The following SGIP1 variants were observed in gnomAD, a reference collection of about 807,000 sequenced individuals.
SGIP1 encodes SH3-containing GRB2-like protein 3-interacting protein 1.
In SGIP1, 38 loss-of-function variants were observed where a neutral mutation model predicts 107.5. The ratio of observed to expected loss-of-function variants is 0.35; its 90% CI spans 0.27 to 0.46. The LOEUF is 0.46. Among genes scored for constraint, SGIP1 ranks in the 20% least tolerant of loss-of-function variants. The probability of loss-of-function intolerance (pLI) is 1.00; values close to 1 mark genes in which losing one functional copy is unlikely to be tolerated. For missense variants in SGIP1, 929 were observed against 1,019.5 expected, an observed-to-expected ratio of 0.91 and a Z score of 1.21; for synonymous variants, 365 against 366.1, an observed-to-expected ratio of 1.00 and a Z score of 0.03.
chr1:66,552,355 C>T (rs2057543678), intron 1 of SGIP1, among the ~76,000 whole-genome samples: 1 of 152,168 alleles, frequency 6.6e-6, no homozygotes. Flanking sequence ...CTATGCTACC[C>T]TTGATGCTTC....
At chr1:66,628,486 T>G (rs2073473598) in intron 2 of SGIP1, 1 of 154,830 alleles carries the variant, frequency 6.5e-6, no homozygotes, top group South Asian at 2.0e-4. Context: ...GAAGGCATTA[T>G]AGGACTCATA....
chr1:66,544,555 G>A (rs1448374611), intron 1 of SGIP1, among the ~76,000 whole-genome samples: 3 of 152,130 alleles, frequency 2.0e-5, no homozygotes, highest in Non-Finnish European at 4.4e-5. Context: ...TGGGCATGGT[G>A]GTGCGCACCT....
At chr1:66,581,820 A>G (rs912305371) in intron 1 of SGIP1, among the ~76,000 whole-genome samples, 2 of 152,126 alleles carry the variant, frequency 1.3e-5, no homozygotes, top group African/African-American at 4.8e-5. Context: ...CCACTAAAAA[A>G]GAAGACTGGA....
intron 2 of SGIP1, among the ~76,000 whole-genome samples, chr1:66,630,660 G>T (rs2074075171): frequency 6.6e-6 from 1 of 150,582 alleles, no homozygotes; most frequent in Non-Finnish European, 1.5e-5. Flanking sequence ...TACAAAATTA[G>T]CTGGGCGTGG....
rs74087520 is a variant in SGIP1, at chr1:66,647,241, C to A, written c.459+3522C>A. 7.3e-3 allele frequency among the ~76,000 whole-genome samples: 1,106 copies of A among 152,240 alleles called. 9 individuals carry two copies. The highest frequency in any genetic ancestry group is 0.024 in the African/African-American group (1,003 of 41,536). On this transcript the variant is annotated intron_variant, in intron 7 of 24. Coordinates refer to ENST00000371037, the MANE Select transcript of SGIP1 (RefSeq NM_032291.4). ...CTCGTTTCCTAGAGTAGCACTGCTG[C>A]CTTACCACTGCAAGTACTTCCATGC... is the stretch of plus-strand genomic sequence containing the variant.
intron 7 of SGIP1, among the ~76,000 whole-genome samples, chr1:66,647,456 A>G (rs919578891): frequency 2.6e-5 from 4 of 152,200 alleles, no homozygotes; most frequent in Non-Finnish European, 4.4e-5. Flanking sequence ...GCCAGCTAAC[A>G]TTCGGGGTTT....
chr1:66,616,333 G>T (rs931929257), intron 1 of SGIP1, among the ~76,000 whole-genome samples: 9 of 152,086 alleles, frequency 5.9e-5, no homozygotes, highest in Non-Finnish European at 8.8e-5. Context: ...GTGTCATTTA[G>T]TGTCTTTTAT....
At chr1:66,560,948 TGTAA>T (rs1265715588) in intron 1 of SGIP1, among the ~76,000 whole-genome samples, 2 of 152,096 alleles carry the variant, frequency 1.3e-5, no homozygotes, top group Non-Finnish European at 2.9e-5. Context: ...GTAAGCCCGT[TGTAA>T]GTGTTAACAC....
rs141620264 is a variant in SGIP1 at position 66,661,429 on chromosome 1, G to A, written c.471+905G>A. On this transcript the variant is annotated intron_variant, in intron 8 of 24. Transcript: ENST00000371037. The stretch of plus-strand genomic sequence containing the variant: ...GCCACTGCACCACATACAGGATACT[G>A]TGCTTACAGAAAAGCTATAGGATAG... Among the ~76,000 whole-genome samples the A allele has an allele frequency of 3.7e-3, 568 of 152,284 alleles. 5 individuals are homozygous for A. Among genetic ancestry groups the A allele is most frequent in the African/African-American group, 0.013 (522 of 41,552 alleles).
chr1:66,729,138 A>G (rs1327613298), intron 19 of SGIP1, 126 bp from the exon 20 acceptor site: 1 of 1,096,004 alleles, frequency 9.1e-7, no homozygotes, highest in Non-Finnish European at 1.3e-6. Flanking sequence ...ATGGAATTGT[A>G]AGAGCCTGCC....
In SGIP1 at chr1:66,733,902, G is replaced by A. The variant is rs370781559; in HGVS notation, c.2031+22G>A. On this transcript the variant is annotated intron_variant, in intron 21 of 24. Transcript: ENST00000371037. ...TCAGGTAAGCCTATTTACATGATCG[G>A]TATCTCTTCCACATGACATATTTGT... 208 of 1,604,244 alleles carry A rather than the reference G, an allele frequency of 1.3e-4. No homozygotes were observed. In the African/African-American group the frequency reaches 2.5e-3, roughly 19 times the overall value.
chr1:66,631,067 GAA>G (rs1362023874), intron 2 of SGIP1, among the ~76,000 whole-genome samples: 2 of 137,210 alleles, frequency 1.5e-5, no homozygotes, highest in African/African-American at 5.1e-5. Context: ...AAGAAAGAAA[GAA>G]AGAAAGAAAG....
intron 1 of SGIP1, among the ~76,000 whole-genome samples, chr1:66,576,446 C>A (rs1354817323): frequency 6.6e-6 from 1 of 152,156 alleles, no homozygotes; most frequent in Non-Finnish European, 1.5e-5. Flanking sequence ...AGTCATTTAC[C>A]TTTGTAAGCC....
intron 21 of SGIP1, among the ~76,000 whole-genome samples, chr1:66,738,766 TCTAA>T (rs1228115530): frequency 6.6e-6 from 1 of 152,204 alleles, no homozygotes; most frequent in Non-Finnish European, 1.5e-5. Flanking sequence ...CCTACCCTAG[TCTAA>T]CTCACTGGTT....
At chr1:66,538,792 T>C (rs1168080453) in intron 1 of SGIP1, among the ~76,000 whole-genome samples, 1 of 152,200 alleles carries the variant, frequency 6.6e-6, no homozygotes, top group Non-Finnish European at 1.5e-5. Flanking sequence ...ATGGTTCCCA[T>C]AGTAATCAAA....
intron 1 of SGIP1, among the ~76,000 whole-genome samples, chr1:66,567,918 A>G (rs1557911603): frequency 1.3e-5 from 2 of 152,102 alleles, no homozygotes; most frequent in Admixed American, 1.3e-4. Flanking sequence ...CTTGTAGTAT[A>G]GTTTGAAGTC....
rs141370211 is a variant in SGIP1 at position 66,675,537 on chromosome 1, C to CTTTTTTTTTTTTTTTTTTT, written c.647-1464_647-1463insTTTTTTTTTTTTTTTTTTT. 1.3e-3 allele frequency among the ~76,000 whole-genome samples: 142 copies of CTTTTTTTTTTTTTTTTTTT among 109,190 alleles called. 24 individuals are homozygous for CTTTTTTTTTTTTTTTTTTT. The highest frequency in any genetic ancestry group is 4.0e-3 in the African/African-American group (98 of 24,242). 71.6% of individuals were successfully genotyped at this position (109,190 alleles called of 152,430 possible). The stretch of plus-strand genomic sequence containing the variant: ...TTTCGTTGTTTTTCTTTTTCTTTTT[C>CTTTTTTTTTTTTTTTTTTT]TTTCTTTTTTTTTTTTTTTTTTGAC... On this transcript the variant is annotated intron_variant, in intron 12 of 24. Transcript: ENST00000371037.
In SGIP1 at chr1:66,749,586, C is replaced by G. The variant is rs763962733; in HGVS notation, c.*6491C>G. Among the ~76,000 whole-genome samples the G allele has an allele frequency of 3.3e-5, 5 of 151,964 alleles. No individual in the cohort carries two copies. The highest frequency in any genetic ancestry group is 2.6e-4 in the Admixed American group (4 of 15,262). On this transcript the variant is annotated 3_prime_UTR_variant, in exon 25 of 25. Transcript: ENST00000371037. ...TATAGAAAAGAATCAAACTGAATCA[C>G]TTTACATTTCTCTAAAGATAGTTCA...
chr1:66,718,771 C>T lies in SGIP1; in HGVS notation c.1631-523C>T, dbSNP rs1019367204. Among the ~76,000 whole-genome samples, 63 of 151,882 alleles carry T rather than the reference C, an allele frequency of 4.1e-4. 1 individual carries two copies. Among genetic ancestry groups the T allele is most frequent in the Non-Finnish European group, 1.2e-4 (8 of 67,996 alleles). On this transcript the variant is annotated intron_variant, in intron 18 of 24. Coordinates refer to ENST00000371037, the MANE Select transcript of SGIP1 (RefSeq NM_032291.4). Reference sequence around the variant, plus strand: ...TAGTTTGGTTGTCTATGTTTTTGGACATGTAAACTTGAGCTTACTTGATCT... The same window carrying T: ...TAGTTTGGTTGTCTATGTTTTTGGATATGTAAACTTGAGCTTACTTGATCT...
Sources: allele counts gnomAD v4.1 joint callset (sites outside exome capture counted in the v4.1 genomes callset), GRCh38; gene constraint gnomAD v4.1.1; transcripts MANE v1.5; gene names NCBI Gene and HGNC (gene_info 2026-07-23, HGNC 2026-07-21).